SEC61A2: variants seen among roughly 807,000 people sequenced by gnomAD.
The protein encoded by SEC61A2 is SEC61 translocon subunit alpha 2, also known as protein transport protein Sec61 subunit alpha isoform 2.
A neutral mutation model predicts 59.9 loss-of-function variants in SEC61A2; 28 were observed. The ratio of observed to expected loss-of-function variants is 0.47; its 90% CI spans 0.35 to 0.64. The LOEUF (loss-of-function observed/expected upper bound fraction) is 0.64, where lower values mean the gene tolerates loss of function less well. Among genes scored for constraint, SEC61A2 ranks in the 30% least tolerant of loss-of-function variants. The pLI, the probability that SEC61A2 is intolerant of heterozygous loss-of-function variation, is 0.01. For synonymous variants in SEC61A2, 202 were observed against 214.4 expected (o/e 0.94, Z 0.50); for missense variants, 340 against 585.9 (o/e 0.58, Z 4.33).
chr10:12,169,216 C>T, downstream of SEC61A2: 2 of 1,371,414 alleles, frequency 1.5e-6, no homozygotes, highest in South Asian at 2.6e-5. This position sits in a 1 kb window ranked among gnomAD's most constrained non-coding sequence, Gnocchi z 4.8. Flanking sequence ...GCCCTCTCTC[C>T]ACCTCCCCTC....
Position 12,155,202 on chromosome 10 carries a change from A to G in SEC61A2, c.463-576A>G, listed in dbSNP as rs1021536976. 4.6e-6 allele frequency: 3 copies of G among 658,980 alleles called. No individual in the cohort carries two copies. Among genetic ancestry groups the G allele is most frequent in the South Asian group, 4.9e-5 (1 of 20,202 alleles). 40.8% of individuals were successfully genotyped at this position (658,980 alleles called of 1,614,324 possible). ...CTATGTGTATAGAATGCATTTTTAC[A>G]TTGCTGCTCGAGTACGTATTTGAGT... On this transcript the variant is annotated intron_variant, in intron 6 of 11. Transcript: ENST00000298428. The surrounding 1 kb of genome is among the most constrained non-coding windows in gnomAD (Gnocchi z 4.3).
rs2131685919 is a variant in SEC61A2 at position 12,164,314 on chromosome 10, C to T, written c.1291C>T (p.Leu431=). ...AAFGGLCIGA[L]SVLADFLGAI... ...GTTTGGCGGTTTGTGCATTGGCGCC[C>T]TGTCAGTGCTGGCTGACTTCCTGGG... Residue 431 remains leucine (L), a synonymous_variant, in exon 12 of 12, where the codon CTG becomes TTG. Coordinates refer to ENST00000298428, the MANE Select transcript of SEC61A2 (RefSeq NM_018144.4). The surrounding 1 kb of genome is among the most constrained non-coding windows in gnomAD (Gnocchi z 7.3). 1.2e-6 allele frequency: 2 copies of T among 1,613,908 alleles called. No homozygotes were observed. Among genetic ancestry groups the T allele is most frequent in the South Asian group, 1.1e-5 (1 of 91,072 alleles).
chr10:12,160,822 A>G lies in SEC61A2; in HGVS notation c.976-108A>G. On this transcript the variant is annotated intron_variant, in intron 9 of 11. Coordinates refer to ENST00000298428, the MANE Select transcript of SEC61A2 (RefSeq NM_018144.4). The surrounding 1 kb of genome is among the most constrained non-coding windows in gnomAD (Gnocchi z 4.1). The stretch of plus-strand genomic sequence containing the variant: ...AACTACATAGAATGACTAGCTGTAG[A>G]TGCCTTGAACTTAAAACACTGTCAT... 1.1e-6 allele frequency: 1 copy of G among 876,772 alleles called. No homozygotes were observed. Among genetic ancestry groups the G allele is most frequent in the Non-Finnish European group, 1.8e-6 (1 of 561,604 alleles). The allele number at this position is 876,772 out of a possible 1,614,324, so 54.3% of individuals were successfully genotyped here. A position where few individuals can be genotyped will look rare whatever the true frequency, so the allele number is the denominator to read the frequency against.
At chr10:12,166,432 C>T (rs1035776608), downstream of SEC61A2, 5 of 221,002 alleles carry the variant, frequency 2.3e-5, no homozygotes, top group African/African-American at 9.2e-5. Context: ...GGCTAGACAG[C>T]TTCATCTGTA....
At chr10:12,168,304 G>A (rs542581984), downstream of SEC61A2, among the ~76,000 whole-genome samples, 4 of 152,288 alleles carry the variant, frequency 2.6e-5, no homozygotes, top group African/African-American at 9.6e-5. The surrounding 1 kb of genome is among the most constrained non-coding windows in gnomAD (Gnocchi z 4.8). Flanking sequence ...GATTACAGGC[G>A]TGAGCTACCG....
At chr10:12,137,074 C>T (rs1432285011) in intron 3 of SEC61A2, among the ~76,000 whole-genome samples, 1 of 151,442 alleles carries the variant, frequency 6.6e-6, no homozygotes, top group African/African-American at 2.4e-5. Context: ...TTTTATCTGG[C>T]AATTTTTTGT....
At chr10:12,148,942 C>T (rs949731728) in intron 4 of SEC61A2, among the ~76,000 whole-genome samples, 1 of 152,186 alleles carries the variant, frequency 6.6e-6, no homozygotes, top group Non-Finnish European at 1.5e-5. Flanking sequence ...ATATGAAGGC[C>T]ACCTTTTCAG....
Position 12,160,924 on chromosome 10 carries a change from C to T in SEC61A2, c.976-6C>T. ...ACCACTTGTTCTTTGTACTCCTGTTCTGTAGGATGTCAGTGGGGGAGGACC... is the reference window on the plus strand; with the variant it reads ...ACCACTTGTTCTTTGTACTCCTGTTTTGTAGGATGTCAGTGGGGGAGGACC... On this transcript the variant is annotated splice_polypyrimidine_tract_variant and splice_region_variant and intron_variant, in intron 9 of 11. Coordinates refer to ENST00000298428, the MANE Select transcript of SEC61A2 (RefSeq NM_018144.4). This position sits in a 1 kb window ranked among gnomAD's most constrained non-coding sequence, Gnocchi z 4.1. The T allele has an allele frequency of 2.5e-6, 4 of 1,610,276 alleles. No individual in the cohort carries two copies. In the South Asian group the frequency reaches 4.4e-5, roughly 18 times the overall value.
chr10:12,149,504 TCAGTTGAGGTAATTAGGGAGTGCGA>T lies in SEC61A2; in HGVS notation c.221-88_221-64del, dbSNP rs1834227019. ...GCTTGTTAAAATTTTCACGTGTGTTTCAGTTGAGGTAATTAGGGAGTGCGACACCTCTAAATCAGTTTGTATCGTG... is the reference window on the plus strand; with the variant it reads ...GCTTGTTAAAATTTTCACGTGTGTTTCACCTCTAAATCAGTTTGTATCGTG... On this transcript the variant is annotated intron_variant, in intron 4 of 11. Transcript: ENST00000298428. The surrounding 1 kb of genome is among the most constrained non-coding windows in gnomAD (Gnocchi z 5.2). 1 of 1,265,106 alleles carries T rather than the reference TCAGTTGAGGTAATTAGGGAGTGCGA, an allele frequency of 7.9e-7. No individual in the cohort carries two copies. The highest frequency in any genetic ancestry group is 1.1e-6 in the Non-Finnish European group (1 of 917,884). The allele number at this position is 1,265,106 out of a possible 1,614,324, so 78.4% of individuals were successfully genotyped here. A position where few individuals can be genotyped will look rare whatever the true frequency, so the allele number is the denominator to read the frequency against.
chr10:12,156,104 C>G lies in SEC61A2; in HGVS notation c.616+173C>G, dbSNP rs541233433. Among the ~76,000 whole-genome samples, 18 of 152,324 alleles carry G rather than the reference C, an allele frequency of 1.2e-4. No homozygotes were observed. The highest frequency in any genetic ancestry group is 1.1e-3 in the Admixed American group (17 of 15,304). ...AGATTTGTGGAGTAAGCAATACTAC[C>G]TCAGAGAGAATAGTATCAAAATTTT... On this transcript the variant is annotated intron_variant, in intron 7 of 11. Transcript: ENST00000298428. The surrounding 1 kb of genome is among the most constrained non-coding windows in gnomAD (Gnocchi z 5.2).
In SEC61A2 at chr10:12,142,586, CT is replaced by C; in HGVS notation, c.142-530del. ...GGCAGGTATAATATTCCATAATCTA[CT>C]GGTGGGAGTGTTTTTTAAATTGTGG... is the stretch of plus-strand genomic sequence containing the variant. On this transcript the variant is annotated intron_variant, in intron 3 of 11. Coordinates refer to ENST00000298428, the MANE Select transcript of SEC61A2 (RefSeq NM_018144.4). This position sits in a 1 kb window ranked among gnomAD's most constrained non-coding sequence, Gnocchi z 5.4. 1.2e-6 allele frequency: 1 copy of C among 826,938 alleles called. No individual in the cohort carries two copies. The highest frequency in any genetic ancestry group is 1.5e-6 in the Non-Finnish European group (1 of 685,482). The allele number at this position is 826,938 out of a possible 1,614,324, so 51.2% of individuals were successfully genotyped here.
At chr10:12,138,079 G>A (rs1044886525) in intron 3 of SEC61A2, among the ~76,000 whole-genome samples, 1 of 151,998 alleles carries the variant, frequency 6.6e-6, no homozygotes, top group African/African-American at 2.4e-5. Flanking sequence ...TGGGGAGTTC[G>A]AAAATCTATT....
intron 3 of SEC61A2, among the ~76,000 whole-genome samples, chr10:12,138,602 AGC>A (rs1564408053): frequency 6.6e-6 from 1 of 152,180 alleles, no homozygotes; most frequent in Non-Finnish European, 1.5e-5. Context: ...TTTTTTCTAG[AGC>A]TTCATGTAAA....
downstream of SEC61A2, chr10:12,166,281 G>A (rs1483614524): frequency 6.5e-6 from 1 of 153,610 alleles, no homozygotes; most frequent in African/African-American, 2.4e-5. Context: ...GATAGCATGT[G>A]GCTTTCAGAC....
chr10:12,141,434 A>G (rs1295446742), intron 3 of SEC61A2, among the ~76,000 whole-genome samples: 1 of 152,220 alleles, frequency 6.6e-6, no homozygotes, highest in Non-Finnish European at 1.5e-5. Context: ...CCACATGGTT[A>G]AGGAGGGGTT....
intron 3 of SEC61A2, among the ~76,000 whole-genome samples, chr10:12,137,128 G>T (rs561892742): frequency 1.4e-5 from 2 of 147,544 alleles, no homozygotes; most frequent in African/African-American, 5.0e-5. Context: ...CTGGTCTCCA[G>T]CTCCTAGGCT....
chr10:12,135,765 G>A (rs977314013), intron 2 of SEC61A2, among the ~76,000 whole-genome samples: 16 of 152,106 alleles, frequency 1.1e-4, no homozygotes, highest in African/African-American at 1.7e-4. Flanking sequence ...CCTCCAGTTC[G>A]TTCCATCCAG....
At position 12,156,406 on chromosome 10, in the gene SEC61A2, C is replaced by T. The variant is rs923979318; in HGVS notation, c.616+475C>T. On this transcript the variant is annotated intron_variant, in intron 7 of 11. Coordinates refer to ENST00000298428, the MANE Select transcript of SEC61A2 (RefSeq NM_018144.4). The surrounding 1 kb of genome is among the most constrained non-coding windows in gnomAD (Gnocchi z 5.2). ...TTCTCTCTTTCCCCTTCCTCATCTC[C>T]ACTTCTAACAGATACTGTCCTAAGT... 3.3e-5 allele frequency among the ~76,000 whole-genome samples: 5 copies of T among 152,194 alleles called. No homozygotes were observed. Among genetic ancestry groups the T allele is most frequent in the Non-Finnish European group, 7.3e-5 (5 of 68,032 alleles).
chr10:12,169,798 G>A (rs113287567), downstream of SEC61A2: 65 of 280,908 alleles, frequency 2.3e-4, no homozygotes, highest in African/African-American at 1.1e-3. The surrounding 1 kb of genome is among the most constrained non-coding windows in gnomAD (Gnocchi z 4.8). Context: ...CACTGAAACC[G>A]TAAGCTGCTG....
Sources: gnomAD v4.1 joint callset for allele counts (sites outside exome capture counted in the v4.1 genomes callset) on GRCh38, gnomAD v4.1.1 for gene constraint, Gnocchi (gnomAD v3.1) non-coding constraint, MANE v1.5 for transcripts, NCBI Gene and HGNC (gene_info 2026-07-23, HGNC 2026-07-21) for gene names.